FAM83H: variants seen among roughly 807,000 people sequenced by gnomAD.
The protein encoded by FAM83H is protein FAM83H.
Under a neutral mutation model 30.2 loss-of-function variants are expected in FAM83H, and 24 were observed. That is an observed-to-expected ratio of 0.79 (90% confidence interval 0.57 to 1.12). The LOEUF is 1.12. Ranked by LOEUF, FAM83H falls within the 50% of genes most tolerant of loss-of-function variation. The probability of loss-of-function intolerance (pLI) is 0.00; values close to 1 mark genes in which losing one functional copy is unlikely to be tolerated. For missense variants in FAM83H, 2,038 were observed against 1,773.9 expected (o/e 1.15, Z -2.67); for synonymous variants, 1,013 against 821.7 (o/e 1.23, Z -3.98).
rs1257736846 is a variant in FAM83H at position 143,727,930 on chromosome 8, C to G, written c.1531G>C (p.Val511Leu). The stretch of plus-strand genomic sequence containing the variant: ...ACCTCGCGGGACGCGCTGGACGGCA[C>G]GTAGTCCAGCCGCTGGTGCCCGTCG... ...GPDGHQRLDY[V>L]PSSASREVRH... The change falls in exon 5 of 5, where the codon GTG becomes CTG. Residue 511 changes from valine to leucine, a missense_variant. Val to Leu is a conservative substitution (Grantham distance 32, BLOSUM62 1). Transcript: ENST00000388913. 5 of 1,537,186 alleles carry G rather than the reference C, an allele frequency of 3.3e-6. No individual in the cohort carries two copies. The highest frequency in any genetic ancestry group is 4.4e-6 in the Non-Finnish European group (5 of 1,148,226).
At chr8:143,732,688 C>T (rs1554624803) in intron 1 of FAM83H, 3 of 985,306 alleles carry the variant, frequency 3.0e-6, no homozygotes, top group Non-Finnish European at 3.6e-6. Flanking sequence ...CTCACGTCGT[C>T]TCCTTTCATG....
At chr8:143,730,012 G>A in intron 2 of FAM83H, 124 bp downstream of exon 2, 1 of 877,562 alleles carries the variant, frequency 1.1e-6, no homozygotes, top group Non-Finnish European at 1.7e-6. Context: ...TCTTTGCCAG[G>A]GACCCCCACT....
At chr8:143,730,114 C>T in intron 2 of FAM83H, 22 bp downstream of exon 2, 7 of 1,517,320 alleles carry the variant, frequency 4.6e-6, no homozygotes, top group Non-Finnish European at 6.2e-6. Context: ...CCCCCACTAC[C>T]CTCAAGCCCA....
In FAM83H at chr8:143,727,624, C is replaced by G. The variant is rs782161751; in HGVS notation, c.1837G>C (p.Val613Leu). 4 of 1,580,848 alleles carry G rather than the reference C, an allele frequency of 2.5e-6. No individual in the cohort carries two copies. Among genetic ancestry groups the G allele is most frequent in the Non-Finnish European group, 3.4e-6 (4 of 1,170,616 alleles). The change falls in exon 5 of 5, where the codon GTG becomes CTG. Residue 613 changes from valine to leucine, a missense_variant. Val to Leu is a conservative substitution (Grantham distance 32). Transcript: ENST00000388913. ...PMEAEAYEDD[V>L]LAPGGRAPAG... ...GGTGCCCGGCCCCCGGGAGCCAGCA[C>G]GTCGTCTTCGTAAGCCTCCGCTTCC...
At position 143,729,058 on chromosome 8, in the gene FAM83H, A is replaced by C; in HGVS notation, c.646T>G (p.Tyr216Asp). The C allele has an allele frequency of 6.2e-7, 1 of 1,613,460 alleles. No individual in the cohort carries two copies. The highest frequency in any genetic ancestry group is 2.2e-5 in the East Asian group (1 of 44,868). ...AAGGACTTCCCAGTGCGGCAGTAGT[A>C]GGTGGGGCCCGCCACAGTCCGTACG... ...LRVRTVAGPTYYCRTGKSFKG... is the reference protein window; with the variant it reads ...LRVRTVAGPTDYCRTGKSFKG... Residue 216 changes from tyrosine to aspartate, a missense_variant, in exon 4 of 5, where the codon TAC (tyrosine) becomes GAC (aspartate). Transcript: ENST00000388913.
In FAM83H at chr8:143,728,606, C is replaced by T. The variant is rs781960406; in HGVS notation, c.855G>A (p.Val285=). ...RILFAQSEPL[V]PSAAALARMD... ...TGCGGGCCAGGGCCGCGGCCGAGGG[C>T]ACAAGCGGCTCGGACTGCGCGAAGA... is the stretch of plus-strand genomic sequence containing the variant. The change falls in exon 5 of 5, where the codon GTG becomes GTA. Residue 285 remains valine (V), a synonymous_variant. Coordinates refer to ENST00000388913, the MANE Select transcript of FAM83H (RefSeq NM_198488.5). The T allele has an allele frequency of 4.3e-6, 7 of 1,610,046 alleles. No homozygotes were observed. The highest frequency in any genetic ancestry group is 5.9e-6 in the Non-Finnish European group (7 of 1,179,324).
Position 143,725,904 on chromosome 8 carries a change from T to C in FAM83H, c.*17A>G, listed in dbSNP as rs369336871. The C allele has an allele frequency of 1.9e-5, 30 of 1,611,612 alleles. No individual in the cohort carries two copies. Among genetic ancestry groups the C allele is most frequent in the African/African-American group, 5.3e-5 (4 of 74,866 alleles). On this transcript the variant is annotated 3_prime_UTR_variant, in exon 5 of 5. Coordinates refer to ENST00000388913, the MANE Select transcript of FAM83H (RefSeq NM_198488.5). ...AGCGATGCGGGCACCCTGGCCTGGGTTGCCAGGCCAGAAGACTCACTTCTT... is the reference window on the plus strand; with the variant it reads ...AGCGATGCGGGCACCCTGGCCTGGGCTGCCAGGCCAGAAGACTCACTTCTT...
intron 1 of FAM83H, chr8:143,731,623 G>A (rs1359539921): frequency 1.0e-6 from 1 of 985,320 alleles, no homozygotes; most frequent in Non-Finnish European, 1.2e-6. Flanking sequence ...GTCCCTCTCA[G>A]ATAAAACCTC....
At chr8:143,730,757 A>G (rs1414896734) in intron 1 of FAM83H, among the ~76,000 whole-genome samples, 160 bp from the exon 2 acceptor site, 3 of 152,208 alleles carry the variant, frequency 2.0e-5, no homozygotes, top group South Asian at 4.1e-4. Context: ...AACCAGGCTC[A>G]CAGAGAGCAA....
In FAM83H at chr8:143,727,029, G is replaced by A. The variant is rs1554622255; in HGVS notation, c.2432C>T (p.Ala811Val). The A allele has an allele frequency of 6.4e-7, 1 of 1,558,484 alleles. No homozygotes were observed. The highest frequency in any genetic ancestry group is 1.9e-5 in the Admixed American group (1 of 53,342). ...CAGCTGCGCCGCGGTGAGCGACGCG[G>A]CTCCCGGCTGCCGCTCCGCCTCCTG... ...LHQEAERQPGAASLTAAQLLD... is the reference protein window; with the variant it reads ...LHQEAERQPGVASLTAAQLLD... Residue 811 changes from alanine (A) to valine (V), a missense_variant, in exon 5 of 5, where the codon GCC becomes GTC. Transcript: ENST00000388913.
At position 143,730,607 on chromosome 8, in the gene FAM83H, C is replaced by G. The variant is rs527985279; in HGVS notation, c.-15-10G>C. On this transcript the variant is annotated splice_polypyrimidine_tract_variant and intron_variant, in intron 1 of 4. Coordinates refer to ENST00000388913, the MANE Select transcript of FAM83H (RefSeq NM_198488.5). Reference sequence around the variant, plus strand: ...TGTTGGGGCCAGGGGCCTGGAGGGGCAGGGAGACACATGACTAGGGGTGGG... The same window carrying G: ...TGTTGGGGCCAGGGGCCTGGAGGGGGAGGGAGACACATGACTAGGGGTGGG... 26 of 1,511,014 alleles carry G rather than the reference C, an allele frequency of 1.7e-5. No individual in the cohort carries two copies. In the South Asian group the frequency reaches 3.4e-4, roughly 20 times the overall value. The allele number at this position is 1,511,014 out of a possible 1,614,324, so 93.6% of individuals were successfully genotyped here.
intron 1 of FAM83H, chr8:143,731,604 C>A: frequency 1.0e-6 from 1 of 985,454 alleles, no homozygotes; most frequent in Non-Finnish European, 1.2e-6. Flanking sequence ...TGACCTCTTT[C>A]TTGTCACTGT....
Position 143,725,198 on chromosome 8 carries a change from G to C in FAM83H, c.*723C>G, listed in dbSNP as rs1236886064. 6.9e-6 allele frequency: 1 copy of C among 144,460 alleles called. No individual in the cohort carries two copies. The highest frequency in any genetic ancestry group is 2.5e-5 in the African/African-American group (1 of 39,218). 8.9% of individuals were successfully genotyped at this position (144,460 alleles called of 1,614,324 possible). On this transcript the variant is annotated 3_prime_UTR_variant, in exon 5 of 5. Transcript: ENST00000388913. Reference sequence around the variant, plus strand: ...GAGGGAAGGAGGAGACCTTGAGAGAGGGAGGGAGCGGGGAGGGGGGAGGCC... The same window carrying C: ...GAGGGAAGGAGGAGACCTTGAGAGACGGAGGGAGCGGGGAGGGGGGAGGCC...
chr8:143,727,732 C>T lies in FAM83H; in HGVS notation c.1729G>A (p.Gly577Arg), dbSNP rs1818356053. 1.3e-6 allele frequency: 2 copies of T among 1,526,356 alleles called. No homozygotes were observed. Among genetic ancestry groups the T allele is most frequent in the African/African-American group, 2.9e-5 (2 of 69,944 alleles). 94.6% of individuals were successfully genotyped at this position (1,526,356 alleles called of 1,614,324 possible). A position where few individuals can be genotyped will look rare whatever the true frequency, so the allele number is the denominator to read the frequency against. Residue 577 changes from glycine (G) to arginine (R), a missense_variant, in exon 5 of 5, where the codon GGG (glycine) becomes AGG (arginine). Gly to Arg is a moderately radical substitution (Grantham distance 125). Coordinates refer to ENST00000388913, the MANE Select transcript of FAM83H (RefSeq NM_198488.5). ...ERRGGPEGRAGLRRWRLASYL... is the reference protein window; with the variant it reads ...ERRGGPEGRARLRRWRLASYL... ...GAGGCCAAACGCCAGCGCCGCAGCC[C>T]TGCCCGCCCCTCGGGCCCGCCCCTG...
rs781893815 is a variant in FAM83H, at chr8:143,726,794, T to G, written c.2667A>C (p.Arg889=). ...KGSPTPGFST[R]RGSPTTGFIE... ...TAAATCCTGTAGTTGGACTTCCTCT[T>G]CGAGTGGAAAACCCAGGCGTGGGGC... is the stretch of plus-strand genomic sequence containing the variant. Residue 889 remains arginine, a synonymous_variant, in exon 5 of 5, where the codon CGA becomes CGC. Transcript: ENST00000388913. The G allele has an allele frequency of 6.2e-7, 1 of 1,612,458 alleles. No homozygotes were observed. The highest frequency in any genetic ancestry group is 1.1e-5 in the South Asian group (1 of 91,056).
intron 1 of FAM83H, chr8:143,731,417 C>A: frequency 1.0e-6 from 1 of 985,362 alleles, no homozygotes; most frequent in Non-Finnish European, 1.2e-6. Context: ...TGACTACCCT[C>A]CTCCTGGAAT....
At chr8:143,732,003 C>G (rs1356375480) in intron 1 of FAM83H, 10 of 985,432 alleles carry the variant, frequency 1.0e-5, no homozygotes, top group Non-Finnish European at 1.2e-5. Context: ...CACCTGTCCC[C>G]GCCTAGCACA....
At position 143,724,518 on chromosome 8, in the gene FAM83H, A is replaced by C. The variant is rs1818210341; in HGVS notation, c.*1403T>G. 6.6e-6 allele frequency: 1 copy of C among 152,168 alleles called. No individual in the cohort carries two copies. Among genetic ancestry groups the C allele is most frequent in the Non-Finnish European group, 1.5e-5 (1 of 68,038 alleles). 9.4% of individuals were successfully genotyped at this position (152,168 alleles called of 1,614,324 possible). A position where few individuals can be genotyped will look rare whatever the true frequency, so the allele number is the denominator to read the frequency against. Reference sequence around the variant, plus strand: ...TAGGAGTGAAAAGAGATAAAAGATAAGCCAAGAACCCTGGACAGATTCTTG... The same window carrying C: ...TAGGAGTGAAAAGAGATAAAAGATACGCCAAGAACCCTGGACAGATTCTTG... On this transcript the variant is annotated 3_prime_UTR_variant, in exon 5 of 5. Transcript: ENST00000388913.
Position 143,730,265 on chromosome 8 carries a change from C to T in FAM83H, c.318G>A (p.Glu106=). The T allele has an allele frequency of 1.9e-6, 3 of 1,613,566 alleles. No homozygotes were observed. Among genetic ancestry groups the T allele is most frequent in the Non-Finnish European group, 2.5e-6 (3 of 1,179,994 alleles). ...WPVNSDQAVP[E]LDLGWPLTFG... Reference sequence around the variant, plus strand: ...AGGTCAGAGGCCAGCCCAAATCAAGCTCAGGCACGGCCTGGTCTGAGTTCA... The same window carrying T: ...AGGTCAGAGGCCAGCCCAAATCAAGTTCAGGCACGGCCTGGTCTGAGTTCA... The change falls in exon 2 of 5, where the codon GAG becomes GAA. Residue 106 remains glutamate (E), a synonymous_variant. Coordinates refer to ENST00000388913, the MANE Select transcript of FAM83H (RefSeq NM_198488.5).
Sources: gnomAD v4.1 joint callset for allele counts (sites outside exome capture counted in the v4.1 genomes callset) on GRCh38, gnomAD v4.1.1 for gene constraint, MANE v1.5 for transcripts, NCBI Gene and HGNC (gene_info 2026-07-23, HGNC 2026-07-21) for gene names.